The following CTCF variants were observed in gnomAD, a reference collection of about 807,000 sequenced individuals.
CTCF encodes the protein CCCTC-binding factor, also known as transcriptional repressor CTCF.
A neutral mutation model predicts 72.3 loss-of-function variants in CTCF; 7 were observed. That is an observed-to-expected ratio of 0.10 (90% CI 0.06 to 0.18). The LOEUF is 0.18. Among genes scored for constraint, CTCF ranks in the 10% least tolerant of loss-of-function variants. The pLI, the probability that CTCF is intolerant of heterozygous loss-of-function variation, is 1.00. For synonymous variants in CTCF, 374 were observed against 315.8 expected (o/e 1.18, Z -1.95); for missense variants, 516 against 949.1 (o/e 0.54, Z 6.00).
intron 5 of CTCF, among the ~76,000 whole-genome samples, chr16:67,619,255 G>T (rs2052171308): frequency 6.6e-6 from 1 of 152,118 alleles, no homozygotes; most frequent in African/African-American, 2.4e-5. Context: ...GGCCAACGTG[G>T]TGAAACCCCG....
At chr16:67,580,025 A>G (rs144338797) in intron 2 of CTCF, among the ~76,000 whole-genome samples, 282 of 152,294 alleles carry the variant, frequency 1.9e-3, no homozygotes, top group Non-Finnish European at 2.6e-3. Flanking sequence ...CTTCTTGCTG[A>G]TAATGGATTT....
At chr16:67,588,168 T>G (rs1307076151) in intron 2 of CTCF, among the ~76,000 whole-genome samples, 3 of 152,170 alleles carry the variant, frequency 2.0e-5, no homozygotes, top group Non-Finnish European at 4.4e-5. Flanking sequence ...AGGATCTATA[T>G]TTTTTAAAGC....
At chr16:67,594,696 C>T (rs1276613500) in intron 2 of CTCF, among the ~76,000 whole-genome samples, 1 of 152,152 alleles carries the variant, frequency 6.6e-6, no homozygotes, top group South Asian at 2.1e-4. Flanking sequence ...TGTTCCCTTC[C>T]TGCTCTTGTC....
intron 5 of CTCF, among the ~76,000 whole-genome samples, chr16:67,619,675 A>G (rs1392332402): frequency 6.6e-6 from 1 of 152,080 alleles, no homozygotes; most frequent in Non-Finnish European, 1.5e-5. Context: ...TAAACTCCTG[A>G]GCTCAGGTGA....
chr16:67,577,583 G>A (rs1464780581), intron 2 of CTCF, among the ~76,000 whole-genome samples: 10 of 150,796 alleles, frequency 6.6e-5, no homozygotes, highest in East Asian at 2.0e-4. Context: ...GACTACAGGC[G>A]CCTGCCACCA....
intron 2 of CTCF, among the ~76,000 whole-genome samples, chr16:67,588,939 C>T (rs2142759503): frequency 6.6e-6 from 1 of 152,148 alleles, no homozygotes; most frequent in South Asian, 2.1e-4. Context: ...GATCCACCCG[C>T]CTTGGCCTCC....
At chr16:67,595,103 T>C (rs982253898) in intron 2 of CTCF, among the ~76,000 whole-genome samples, 7 of 152,186 alleles carry the variant, frequency 4.6e-5, no homozygotes, top group Admixed American at 4.6e-4. Context: ...TCACCAATCA[T>C]GAATTTTTGG....
intron 7 of CTCF, among the ~76,000 whole-genome samples, chr16:67,621,944 A>G (rs1009223661): frequency 6.6e-6 from 1 of 151,996 alleles, no homozygotes; most frequent in Non-Finnish European, 1.5e-5. Flanking sequence ...ATTCTATTGT[A>G]TTTTTTTGAG....
chr16:67,622,434 C>CT (rs2052214123), intron 7 of CTCF, among the ~76,000 whole-genome samples: 1 of 151,990 alleles, frequency 6.6e-6, no homozygotes, highest in African/African-American at 2.4e-5. Flanking sequence ...AATTAGCTCT[C>CT]TTTAAGTTTA....
intron 5 of CTCF, among the ~76,000 whole-genome samples, chr16:67,618,031 GGA>G (rs1942408990): frequency 6.6e-6 from 1 of 152,162 alleles, no homozygotes; most frequent in African/African-American, 2.4e-5. Flanking sequence ...TCTGTAGATG[GGA>G]TGGGAGCTAA....
chr16:67,600,074 A>T (rs1269728514), intron 2 of CTCF, among the ~76,000 whole-genome samples: 2 of 152,144 alleles, frequency 1.3e-5, no homozygotes, highest in Non-Finnish European at 2.9e-5. Flanking sequence ...TCATCTTGTC[A>T]GATGCCAGAG....
At chr16:67,628,270 C>G in intron 8 of CTCF, 100 bp from the exon 9 acceptor site, 1 of 1,055,412 alleles carries the variant, frequency 9.5e-7, no homozygotes, top group South Asian at 1.5e-5. Context: ...CTAGACCTAG[C>G]TTGGGTGAGA....
At chr16:67,605,676 G>T (rs539863942) in intron 2 of CTCF, among the ~76,000 whole-genome samples, 2 of 152,328 alleles carry the variant, frequency 1.3e-5, no homozygotes, top group South Asian at 4.1e-4. Flanking sequence ...ATCGTTTTGA[G>T]AAAATTTTAA....
intron 10 of CTCF, among the ~76,000 whole-genome samples, chr16:67,631,154 G>GTTTGT (rs2052357243): frequency 4.0e-5 from 5 of 125,026 alleles, no homozygotes; most frequent in African/African-American, 1.7e-4. Context: ...TTCTTTGTTT[G>GTTTGT]TTTTTTTTTT....
chr16:67,601,284 ACT>A (rs1195294235), intron 2 of CTCF, among the ~76,000 whole-genome samples: 7 of 70,422 alleles, frequency 9.9e-5, no homozygotes, highest in African/African-American at 2.3e-4. Flanking sequence ...ACAGAGTCTC[ACT>A]CTGTCACCGT....
In CTCF at chr16:67,626,878, G is replaced by T. The variant is rs191075400; in HGVS notation, c.1518+163G>T. ...AAAGGTCATGCTCCTTGTCAATTGTGTCATCCCGGTGTCCAGATGATGTTT... is the reference window on the plus strand; with the variant it reads ...AAAGGTCATGCTCCTTGTCAATTGTTTCATCCCGGTGTCCAGATGATGTTT... On this transcript the variant is annotated intron_variant, in intron 8 of 11. Coordinates refer to ENST00000264010, the MANE Select transcript of CTCF (RefSeq NM_006565.4). The T allele has an allele frequency of 1.3e-3, 583 of 433,912 alleles. 3 individuals carry two copies. Among genetic ancestry groups the T allele is most frequent in the South Asian group, 5.9e-3 (53 of 8,936 alleles). 26.9% of individuals were successfully genotyped at this position (433,912 alleles called of 1,614,324 possible). A position where few individuals can be genotyped will look rare whatever the true frequency, so the allele number is the denominator to read the frequency against.
chr16:67,624,961 G>A (rs2052263162), intron 7 of CTCF, among the ~76,000 whole-genome samples: 1 of 152,120 alleles, frequency 6.6e-6, no homozygotes, highest in Admixed American at 6.6e-5. Context: ...GTTTCACTCT[G>A]TCACCCAGGC....
intron 7 of CTCF, among the ~76,000 whole-genome samples, chr16:67,624,286 C>G (rs368376609): frequency 3.9e-4 from 59 of 151,906 alleles, no homozygotes; most frequent in African/African-American, 1.4e-3. Flanking sequence ...GTCTTCTCCC[C>G]CTCATCTTTC....
chr16:67,624,117 ATGTGTGTG>A (rs1207947513), intron 7 of CTCF, among the ~76,000 whole-genome samples: 6,102 of 92,230 alleles, frequency 0.066, 144 homozygotes, highest in African/African-American at 0.086. Context: ...GTGTGTGTGT[ATGTGTGTG>A]TATATATATG....
Sources: allele counts gnomAD v4.1 joint callset (sites outside exome capture counted in the v4.1 genomes callset), GRCh38; gene constraint gnomAD v4.1.1; transcripts MANE v1.5; gene names NCBI Gene and HGNC (gene_info 2026-07-23, HGNC 2026-07-21).